Variants in MRAP2 observed in about 807,000 individuals in gnomAD.
MRAP2 encodes melanocortin-2 receptor accessory protein 2.
In MRAP2, 20 loss-of-function variants were observed where a neutral mutation model predicts 17.4. The ratio of observed to expected loss-of-function variants is 1.15; its 90% CI spans 0.81 to 1.67. The LOEUF is 1.67. Among genes scored for constraint, MRAP2 ranks in the 40% most tolerant of loss-of-function variants. The probability of loss-of-function intolerance (pLI) is 0.00; values close to 1 mark genes in which losing one functional copy is unlikely to be tolerated. For synonymous variants in MRAP2, 96 were observed against 88.4 expected (o/e 1.09, Z -0.48); for missense variants, 238 against 240.0 (o/e 0.99, Z 0.05).
At chr6:84,066,411 A>T (rs547987831) in intron 3 of MRAP2, among the ~76,000 whole-genome samples, 1 of 152,342 alleles carries the variant, frequency 6.6e-6, no homozygotes, top group South Asian at 2.1e-4. Context: ...GTGGAAAAAC[A>T]TTGAAATAAA....
chr6:84,037,425 C>T (rs2099486393), intron 1 of MRAP2, among the ~76,000 whole-genome samples: 1 of 152,242 alleles, frequency 6.6e-6, no homozygotes, highest in African/African-American at 2.4e-5. Flanking sequence ...CCTAGTGGAT[C>T]CCACGCCAGG....
chr6:84,045,109 C>A, intron 1 of MRAP2: 1 of 483,432 alleles, frequency 2.1e-6, no homozygotes, highest in Non-Finnish European at 2.7e-6. Flanking sequence ...GCAAATACTA[C>A]ACCATTTTAT....
At chr6:84,093,818 T>G (rs75243006), downstream of MRAP2, among the ~76,000 whole-genome samples, 1,584 of 152,296 alleles carry the variant, frequency 0.01, 33 homozygotes, top group African/African-American at 0.036. Flanking sequence ...GAAGTTTAAG[T>G]CTAAGTATGC....
At chr6:84,045,939 G>A (rs1181492731) in intron 1 of MRAP2, among the ~76,000 whole-genome samples, 1 of 152,180 alleles carries the variant, frequency 6.6e-6, no homozygotes, top group African/African-American at 2.4e-5. Flanking sequence ...AGATCTGGAA[G>A]GACTTTCACT....
At chr6:84,047,583 T>C (rs1389454497) in intron 1 of MRAP2, among the ~76,000 whole-genome samples, 1 of 152,218 alleles carries the variant, frequency 6.6e-6, no homozygotes, top group Non-Finnish European at 1.5e-5. Flanking sequence ...GAATGTACAG[T>C]TCAGTGGCAT....
At chr6:84,053,995 T>TTGCCTCAGCTTCCCTGAGGATTG (rs2099491087) in intron 1 of MRAP2, among the ~76,000 whole-genome samples, 1 of 151,920 alleles carries the variant, frequency 6.6e-6, no homozygotes, top group South Asian at 2.1e-4. Context: ...GGTGGTGATT[T>TTGCCTCAGCTTCCCTGAGGATTG]TGCCTCAGCT....
At chr6:84,124,842 G>A in the MRAP2 span, 12 of 533,312 alleles carry the variant, frequency 2.3e-5, no homozygotes, top group Admixed American at 7.7e-5. Flanking sequence ...AAAGGAAACT[G>A]TCCATAAATC....
chr6:84,119,353 A>C, the MRAP2 span, among the ~76,000 whole-genome samples: 1 of 152,000 alleles, frequency 6.6e-6, no homozygotes, highest in Non-Finnish European at 1.5e-5. Context: ...CTTTCACCTA[A>C]GTTTTTGTTG....
At position 84,033,882 on chromosome 6, in the gene MRAP2, CG is replaced by C. The variant is rs906079226; in HGVS notation, c.-8+1del. ...AGCCCGCGGGCCGGGGCTAGCCAGCCGGTAACCACGGGCGGGACAGGGCGCC... is the reference window on the plus strand; with the variant it reads ...AGCCCGCGGGCCGGGGCTAGCCAGCCGTAACCACGGGCGGGACAGGGCGCC... On this transcript the variant is annotated splice_region_variant and 5_prime_UTR_variant, in exon 1 of 4. Transcript: ENST00000257776. The C allele has an allele frequency of 1.1e-5, 11 of 979,258 alleles. No individual in the cohort carries two copies. The highest frequency in any genetic ancestry group is 1.2e-5 in the Non-Finnish European group (10 of 829,938). 60.7% of individuals were successfully genotyped at this position (979,258 alleles called of 1,614,324 possible). A position where few individuals can be genotyped will look rare whatever the true frequency, so the allele number is the denominator to read the frequency against.
At chr6:84,129,134 T>C in the MRAP2 span, among the ~76,000 whole-genome samples, 8 of 152,210 alleles carry the variant, frequency 5.3e-5, no homozygotes, top group African/African-American at 7.2e-5. Context: ...CTATTGTGAA[T>C]AGTGCCACAA....
chr6:84,045,751 G>C (rs756387669), intron 1 of MRAP2, among the ~76,000 whole-genome samples: 2 of 150,530 alleles, frequency 1.3e-5, no homozygotes, highest in Admixed American at 6.6e-5. Context: ...TGAGGAGCAA[G>C]ACTGTCTCAT....
chr6:84,124,615 A>G, the MRAP2 span: 1 of 180,926 alleles, frequency 5.5e-6, no homozygotes, highest in African/African-American at 2.4e-5. Flanking sequence ...TTGAAAAATT[A>G]CCTGTTGGGT....
the MRAP2 span, chr6:84,125,373 G>A: frequency 1.0e-6 from 1 of 976,658 alleles, no homozygotes; most frequent in South Asian, 1.4e-5. Context: ...GGTTTCTTTG[G>A]GGAACTCAGG....
At chr6:84,086,757 C>T (rs1337987914) in intron 3 of MRAP2, among the ~76,000 whole-genome samples, 2 of 152,090 alleles carry the variant, frequency 1.3e-5, no homozygotes, top group African/African-American at 4.8e-5. Flanking sequence ...CTCAGAGGGG[C>T]TTTAATGTCC....
chr6:84,143,049 TA>T, the MRAP2 span, among the ~76,000 whole-genome samples: 10 of 151,572 alleles, frequency 6.6e-5, no homozygotes, highest in South Asian at 2.1e-4. Flanking sequence ...TTTATGTTTG[TA>T]AAAAAAAATT....
chr6:84,118,471 G>A, the MRAP2 span, among the ~76,000 whole-genome samples: 2 of 152,204 alleles, frequency 1.3e-5, no homozygotes, highest in African/African-American at 2.4e-5. Context: ...CTGGCTGGGA[G>A]GTCCCGCCCC....
the MRAP2 span, among the ~76,000 whole-genome samples, chr6:84,115,625 A>G: frequency 4.0e-5 from 6 of 151,050 alleles, no homozygotes; most frequent in Middle Eastern, 3.4e-3. Flanking sequence ...TGGGGTATGG[A>G]AAAAAAAACA....
At chr6:84,038,919 C>T (rs555672226) in intron 1 of MRAP2, among the ~76,000 whole-genome samples, 1 of 152,344 alleles carries the variant, frequency 6.6e-6, no homozygotes, top group East Asian at 1.9e-4. Context: ...AACCAAAATA[C>T]AGTTGACATT....
chr6:84,062,856 C>G, intron 2 of MRAP2, 37 bp from the exon 3 acceptor site: 1 of 1,613,270 alleles, frequency 6.2e-7, no homozygotes, highest in Non-Finnish European at 8.5e-7. Context: ...TTTTAAACTA[C>G]TGTGAAATAC....
Sources: gnomAD v4.1 joint callset for allele counts (sites outside exome capture counted in the v4.1 genomes callset) on GRCh38, gnomAD v4.1.1 for gene constraint, MANE v1.5 for transcripts, NCBI Gene and HGNC (gene_info 2026-07-23, HGNC 2026-07-21) for gene names.